The following ABCC2 variants were observed in gnomAD, a reference collection of about 807,000 sequenced individuals.
The protein encoded by ABCC2 is ATP-binding cassette sub-family C member 2.
A neutral mutation model predicts 173.4 loss-of-function variants in ABCC2; 157 were observed. The ratio of observed to expected loss-of-function variants is 0.91; its 90% CI spans 0.80 to 1.03. The LOEUF is 1.03. Among genes scored for constraint, ABCC2 ranks in the 50% least tolerant of loss-of-function variants. ABCC2 has a pLI of 0.00. For missense variants in ABCC2, 1,822 were observed against 1,852.3 expected (o/e 0.98, Z 0.30); for synonymous variants, 657 against 693.5 (o/e 0.95, Z 0.83).
Position 99,850,699 on chromosome 10 carries a change from A to G in ABCC2, c.4411A>G (p.Thr1471Ala). 1 of 1,614,164 alleles carries G rather than the reference A, an allele frequency of 6.2e-7. No homozygotes were observed. Among genetic ancestry groups the G allele is most frequent in the Admixed American group, 1.7e-5 (1 of 60,032 alleles). ...DEATAAVDLE[T>A]DNLIQTTIQN... ...GGCCACTGCTGCGGTGGATCTAGAG[A>G]CAGACAACCTCATTCAGACGACCAT... Residue 1471 changes from threonine (T) to alanine (A), a missense_variant, in exon 31 of 32, where the codon ACA becomes GCA. Coordinates refer to ENST00000647814, the MANE Select transcript of ABCC2 (RefSeq NM_000392.5).
At chr10:99,826,135 C>A (rs998033158) in intron 19 of ABCC2, among the ~76,000 whole-genome samples, 1 of 152,236 alleles carries the variant, frequency 6.6e-6, no homozygotes, top group Admixed American at 6.5e-5. Context: ...TTATTTGAGA[C>A]TGGGCAATTC....
chr10:99,814,658 T>TATACACACAC lies in ABCC2; in HGVS notation c.2094+1516_2094+1517insACACACACAT, dbSNP rs1564685806. Reference sequence around the variant, plus strand: ...GTGTATATACACATATACACACACATATGTGTATATACACATATACACACA... The same window carrying TATACACACAC: ...GTGTATATACACATATACACACACATATACACACACATGTGTATATACACATATACACACA... On this transcript the variant is annotated intron_variant, in intron 16 of 31. Coordinates refer to ENST00000647814, the MANE Select transcript of ABCC2 (RefSeq NM_000392.5). Among the ~76,000 whole-genome samples the TATACACACAC allele has an allele frequency of 2.8e-4, 33 of 119,718 alleles. 5 individuals carry two copies. Among genetic ancestry groups the TATACACACAC allele is most frequent in the Admixed American group, 7.2e-4 (9 of 12,418 alleles). The allele number at this position is 119,718 out of a possible 152,430, so 78.5% of individuals were successfully genotyped here.
intron 6 of ABCC2, 28 bp from the exon 7 acceptor site, chr10:99,797,069 C>G: frequency 6.2e-7 from 1 of 1,608,426 alleles, no homozygotes; most frequent in Admixed American, 1.7e-5. Context: ...GCCTGGGGGT[C>G]TCAGCCTGTG....
At position 99,830,847 on chromosome 10, in the gene ABCC2, G is replaced by A. The variant is rs1237459906; in HGVS notation, c.2879G>A (p.Gly960Glu). Residue 960 changes from glycine to glutamate, a missense_variant, in exon 21 of 32, where the codon GGA (glycine) becomes GAA (glutamate). By Grantham distance (98) the Gly-to-Glu change is moderately conservative. Coordinates refer to ENST00000647814, the MANE Select transcript of ABCC2 (RefSeq NM_000392.5). ...KLIKKEFIET[G>E]KVKFSIYLEY... is the part of the protein sequence containing the mutation. ...ATTAAGAAGGAATTCATAGAAACTG[G>A]AAAGGTGAACACCACACAGAAAAGT... 1 of 1,613,722 alleles carries A rather than the reference G, an allele frequency of 6.2e-7. No homozygotes were observed. The highest frequency in any genetic ancestry group is 8.5e-7 in the Non-Finnish European group (1 of 1,179,962).
intron 26 of ABCC2, among the ~76,000 whole-genome samples, chr10:99,842,310 T>C (rs2038960424): frequency 6.6e-6 from 1 of 152,194 alleles, no homozygotes; most frequent in Non-Finnish European, 1.5e-5. Context: ...GACATAAATA[T>C]TGACCTTAGG....
rs1377273693 is a variant in ABCC2 at position 99,782,963 on chromosome 10, G to A, written c.33+86G>A. The A allele has an allele frequency of 2.2e-6, 3 of 1,392,394 alleles. No homozygotes were observed. The East Asian group carries it at 6.9e-5, about 32-fold the overall frequency. The allele number at this position is 1,392,394 out of a possible 1,614,324, so 86.3% of individuals were successfully genotyped here. ...GTTAACTTAGGGTGGTCACCAACAAGAACCAGAAATGTTAGATGTGCAATT... is the reference window on the plus strand; with the variant it reads ...GTTAACTTAGGGTGGTCACCAACAAAAACCAGAAATGTTAGATGTGCAATT... On this transcript the variant is annotated intron_variant, in intron 1 of 31. Coordinates refer to ENST00000647814, the MANE Select transcript of ABCC2 (RefSeq NM_000392.5).
intron 15 of ABCC2, among the ~76,000 whole-genome samples, chr10:99,811,908 G>A (rs899317486): frequency 1.6e-4 from 24 of 152,160 alleles, no homozygotes; most frequent in African/African-American, 5.6e-4. Context: ...GCAGGTGGCC[G>A]GCGTCTCTGG....
rs2038718327 is a variant in ABCC2, at chr10:99,830,422, A to G, written c.2736A>G (p.Thr912=). Residue 912 remains threonine (T), a synonymous_variant, in exon 20 of 32, where the codon ACA becomes ACG. Coordinates refer to ENST00000647814, the MANE Select transcript of ABCC2 (RefSeq NM_000392.5). Reference sequence around the variant, plus strand: ...GAAGAGAGAACAGCTTTCGTCGAACACTTAGCCGCAGGTTGGCTATCTATT... The same window carrying G: ...GAAGAGAGAACAGCTTTCGTCGAACGCTTAGCCGCAGGTTGGCTATCTATT... ...TMRRENSFRR[T]LSRSSRSNGR... 6.2e-7 allele frequency: 1 copy of G among 1,614,088 alleles called. No individual in the cohort carries two copies. The highest frequency in any genetic ancestry group is 1.1e-5 in the South Asian group (1 of 91,088).
rs146464095 is a variant in ABCC2, at chr10:99,804,026, C to G, written c.1217C>G (p.Thr406Ser). Reference sequence around the variant, plus strand: ...TTCAATCCTTATCTTTAGGCATTGACCCTATCCAACTTGGCCAGGAAGGAG... The same window carrying G: ...TTCAATCCTTATCTTTAGGCATTGAGCCTATCCAACTTGGCCAGGAAGGAG... Reference protein sequence around the residue: ...IMASVYKKALTLSNLARKEYT... With the variant: ...IMASVYKKALSLSNLARKEYT... The change falls in exon 10 of 32, where the codon ACC becomes AGC. Residue 406 changes from threonine (T) to serine (S), a missense_variant. Thr to Ser is a moderately conservative substitution (Grantham distance 58). Coordinates refer to ENST00000647814, the MANE Select transcript of ABCC2 (RefSeq NM_000392.5). 1.3e-5 allele frequency: 21 copies of G among 1,614,022 alleles called. No homozygotes were observed. The highest frequency in any genetic ancestry group is 2.7e-5 in the African/African-American group (2 of 74,896).
intron 2 of ABCC2, chr10:99,788,689 CA>C: frequency 6.4e-6 from 1 of 156,188 alleles, no homozygotes; most frequent in Non-Finnish European, 1.4e-5. Context: ...AGACAGCTTC[CA>C]AAAACTGGCA....
At chr10:99,799,034 C>T (rs1039991405) in intron 7 of ABCC2, among the ~76,000 whole-genome samples, 173 bp from the exon 8 acceptor site, 5 of 151,996 alleles carry the variant, frequency 3.3e-5, no homozygotes, top group Admixed American at 1.3e-4. Context: ...CAGTTAGGAG[C>T]GGGAGAGTGG....
At chr10:99,808,006 A>G (rs754593374) in intron 12 of ABCC2, 77 bp from the exon 13 acceptor site, 50 of 1,549,856 alleles carry the variant, frequency 3.2e-5, no homozygotes, top group Non-Finnish European at 3.8e-5. Context: ...ACTCTGATAT[A>G]TGGTGTTCCT....
In ABCC2 at chr10:99,850,704, C is replaced by T. The variant is rs1468751071; in HGVS notation, c.4416C>T (p.Asp1472=). 1 of 1,614,202 alleles carries T rather than the reference C, an allele frequency of 6.2e-7. No homozygotes were observed. The highest frequency in any genetic ancestry group is 8.5e-7 in the Non-Finnish European group (1 of 1,180,032). Residue 1472 remains aspartate (D), a synonymous_variant, in exon 31 of 32, where the codon GAC becomes GAT. Coordinates refer to ENST00000647814, the MANE Select transcript of ABCC2 (RefSeq NM_000392.5). ...CTGCTGCGGTGGATCTAGAGACAGA[C>T]AACCTCATTCAGACGACCATCCAAA... The part of the protein sequence containing the change: ...EATAAVDLET[D]NLIQTTIQNE...
Position 99,834,553 on chromosome 10 carries a change from TAA to T in ABCC2, c.3414+19_3414+20del. 1 of 1,612,434 alleles carries T rather than the reference TAA, an allele frequency of 6.2e-7. No homozygotes were observed. Among genetic ancestry groups the T allele is most frequent in the South Asian group, 1.1e-5 (1 of 91,056 alleles). ...CTGTTCAGGTAGGTTTGGAAATGGCTAAGTCATCCTTCCTTCCTCTCTATCTA... is the reference window on the plus strand; with the variant it reads ...CTGTTCAGGTAGGTTTGGAAATGGCTGTCATCCTTCCTTCCTCTCTATCTA... On this transcript the variant is annotated intron_variant, in intron 24 of 31. Coordinates refer to ENST00000647814, the MANE Select transcript of ABCC2 (RefSeq NM_000392.5).
chr10:99,821,612 A>G (rs375602851), intron 19 of ABCC2, among the ~76,000 whole-genome samples: 3,861 of 151,916 alleles, frequency 0.025, 148 homozygotes, highest in African/African-American at 0.079. Context: ...ATCTTGCACC[A>G]CCCTTAATCC....
chr10:99,795,417 A>G (rs1390609628), intron 6 of ABCC2, among the ~76,000 whole-genome samples: 1 of 152,134 alleles, frequency 6.6e-6, no homozygotes, highest in Non-Finnish European at 1.5e-5. Flanking sequence ...GGGATTTCTC[A>G]GCCTGGCATG....
intron 8 of ABCC2, among the ~76,000 whole-genome samples, chr10:99,799,590 G>A (rs375323136): frequency 7.9e-5 from 12 of 152,136 alleles, no homozygotes; most frequent in African/African-American, 2.9e-4. Flanking sequence ...TTCCATGTCT[G>A]TCTCCTCATA....
chr10:99,833,326 A>G (rs1448783994), intron 23 of ABCC2, among the ~76,000 whole-genome samples: 3 of 152,226 alleles, frequency 2.0e-5, no homozygotes, highest in Non-Finnish European at 2.9e-5. Context: ...GTTGTAATAT[A>G]TATAATCTTC....
At chr10:99,814,151 ATG>A (rs1564683239) in intron 16 of ABCC2, among the ~76,000 whole-genome samples, 5 of 25,036 alleles carry the variant, frequency 2.0e-4, no homozygotes, top group South Asian at 1.2e-3. Flanking sequence ...ACACACATGT[ATG>A]TATACACACG....
Sources: gnomAD v4.1 joint callset for allele counts (sites outside exome capture counted in the v4.1 genomes callset) on GRCh38, gnomAD v4.1.1 for gene constraint, MANE v1.5 for transcripts, NCBI Gene and HGNC (gene_info 2026-07-23, HGNC 2026-07-21) for gene names.